Variants in HS3ST4 observed in about 807,000 individuals in gnomAD.
The protein encoded by HS3ST4 is heparan sulfate-glucosamine 3-sulfotransferase 4.
A neutral mutation model predicts 29.2 loss-of-function variants in HS3ST4; 17 were observed. The observed-to-expected ratio is 0.58, with a 90% CI of 0.40 to 0.87. The LOEUF is 0.87. Ranked by LOEUF, HS3ST4 falls within the 40% of genes least tolerant of loss-of-function variation. HS3ST4 has a pLI of 0.00. For missense variants in HS3ST4, 627 were observed against 634.5 expected, an observed-to-expected ratio of 0.99 and a Z score of 0.13; for synonymous variants, 314 against 285.7, an observed-to-expected ratio of 1.10 and a Z score of -1.00.
At chr16:25,829,226 G>C (rs1335820012) in intron 1 of HS3ST4, among the ~76,000 whole-genome samples, 1 of 152,178 alleles carries the variant, frequency 6.6e-6, no homozygotes, top group Non-Finnish European at 1.5e-5. Flanking sequence ...CCTAGAATAA[G>C]AATTTACTGT....
intron 1 of HS3ST4, among the ~76,000 whole-genome samples, chr16:25,821,259 G>A (rs1967152769): frequency 6.6e-6 from 1 of 151,854 alleles, no homozygotes; most frequent in Admixed American, 6.6e-5. Context: ...GGGTTTCACT[G>A]TGTTAGTCAG....
chr16:26,046,489 T>C (rs1898269235), intron 1 of HS3ST4, among the ~76,000 whole-genome samples: 2 of 152,160 alleles, frequency 1.3e-5, no homozygotes, highest in South Asian at 4.1e-4. Context: ...TTTGTCCATG[T>C]TAGTGTCTGT....
intron 1 of HS3ST4, among the ~76,000 whole-genome samples, chr16:25,910,466 C>G (rs1250179707): frequency 1.8e-4 from 27 of 151,876 alleles, no homozygotes; most frequent in Admixed American, 1.8e-3. Flanking sequence ...TATGGTGAAA[C>G]CCTGTCTCTA....
intron 1 of HS3ST4, among the ~76,000 whole-genome samples, chr16:26,083,947 A>C (rs1898754724): frequency 6.6e-6 from 1 of 152,194 alleles, no homozygotes; most frequent in Non-Finnish European, 1.5e-5. Context: ...ATTGCAGAGA[A>C]AATTATAGAA....
intron 1 of HS3ST4, among the ~76,000 whole-genome samples, chr16:26,108,880 G>T (rs1395090061): frequency 1.3e-5 from 2 of 152,154 alleles, no homozygotes; most frequent in Non-Finnish European, 2.9e-5. Flanking sequence ...GCAAATGAAT[G>T]AATAAACGTA....
chr16:26,066,760 C>T (rs899562554), intron 1 of HS3ST4, among the ~76,000 whole-genome samples: 7 of 152,324 alleles, frequency 4.6e-5, no homozygotes, highest in African/African-American at 7.2e-5. Context: ...GAATTCCACA[C>T]GATTTCTTGC....
chr16:25,997,452 A>G (rs567859469), intron 1 of HS3ST4, among the ~76,000 whole-genome samples: 10 of 152,322 alleles, frequency 6.6e-5, no homozygotes, highest in African/African-American at 2.4e-4. Context: ...AAGAGCATTT[A>G]TAGATTCACG....
At chr16:25,849,245 A>G (rs753596396) in intron 1 of HS3ST4, among the ~76,000 whole-genome samples, 40 of 152,302 alleles carry the variant, frequency 2.6e-4, no homozygotes, top group Non-Finnish European at 5.4e-4. Flanking sequence ...TAAAGGATGT[A>G]TATTTTCTGG....
rs545448860 is a variant in HS3ST4 at position 25,880,946 on chromosome 16, G to A, written c.734+187795G>A. ...CAGGTGGTCTCCTCTAGTTCTGCCT[G>A]ATATTCTATGAGATGAGAAAAGTTA... On this transcript the variant is annotated intron_variant, in intron 1 of 1. Coordinates refer to ENST00000331351, the MANE Select transcript of HS3ST4 (RefSeq NM_006040.3). Among the ~76,000 whole-genome samples, 4 of 152,278 alleles carry A rather than the reference G, an allele frequency of 2.6e-5. No homozygotes were observed. The East Asian group carries it at 7.7e-4, about 29-fold the overall frequency.
At chr16:25,910,341 A>T (rs1387959932) in intron 1 of HS3ST4, among the ~76,000 whole-genome samples, 2 of 152,180 alleles carry the variant, frequency 1.3e-5, no homozygotes, top group Admixed American at 1.3e-4. Context: ...TGGAGTTTAT[A>T]TAATAAACAT....
chr16:25,867,916 C>T (rs551542001), intron 1 of HS3ST4, among the ~76,000 whole-genome samples: 1 of 152,000 alleles, frequency 6.6e-6, no homozygotes, highest in African/African-American at 2.4e-5. Flanking sequence ...ATAAAGAGAT[C>T]GATAGATACT....
intron 1 of HS3ST4, among the ~76,000 whole-genome samples, chr16:25,884,782 T>A (rs1353009627): frequency 1.3e-5 from 2 of 152,188 alleles, no homozygotes; most frequent in South Asian, 2.1e-4. Flanking sequence ...GTCAGGCTGG[T>A]CTCGAACTTC....
chr16:26,069,266 T>C (rs1178349226), intron 1 of HS3ST4, among the ~76,000 whole-genome samples: 1 of 152,324 alleles, frequency 6.6e-6, no homozygotes, highest in Admixed American at 6.5e-5. Context: ...TTCCTTAAAA[T>C]GGGATGTTGC....
intron 1 of HS3ST4, among the ~76,000 whole-genome samples, chr16:25,785,892 C>T (rs1412770053): frequency 6.6e-6 from 1 of 152,024 alleles, no homozygotes; most frequent in Non-Finnish European, 1.5e-5. Flanking sequence ...CTGGACATGG[C>T]CCAGACTGGA....
At chr16:25,948,500 A>G (rs748261030) in intron 1 of HS3ST4, among the ~76,000 whole-genome samples, 2 of 152,082 alleles carry the variant, frequency 1.3e-5, no homozygotes, top group South Asian at 2.1e-4. Flanking sequence ...CCAGTCATAC[A>G]TGGTCCCAGC....
intron 1 of HS3ST4, among the ~76,000 whole-genome samples, chr16:26,116,913 C>G (rs1484739932): frequency 6.6e-6 from 1 of 152,102 alleles, no homozygotes; most frequent in East Asian, 1.9e-4. Flanking sequence ...GATGCTCAAC[C>G]AGTATAATGC....
At chr16:25,714,442 A>G (rs1158577319) in intron 1 of HS3ST4, among the ~76,000 whole-genome samples, 3 of 152,126 alleles carry the variant, frequency 2.0e-5, no homozygotes, top group Non-Finnish European at 4.4e-5. Context: ...CACCATGCTG[A>G]CTCACCGCCT....
intron 1 of HS3ST4, among the ~76,000 whole-genome samples, chr16:25,978,192 G>A (rs1343705182): frequency 6.6e-6 from 1 of 152,206 alleles, no homozygotes; most frequent in East Asian, 1.9e-4. Flanking sequence ...AAAGATGGGA[G>A]TGTGGGTTGC....
intron 1 of HS3ST4, among the ~76,000 whole-genome samples, chr16:25,966,540 G>C (rs1319100622): frequency 6.6e-6 from 1 of 152,132 alleles, no homozygotes; most frequent in African/African-American, 2.4e-5. Context: ...CTTCTTCATA[G>C]GTACCATGAG....
Sources: gnomAD v4.1 joint callset for allele counts (sites outside exome capture counted in the v4.1 genomes callset) on GRCh38, gnomAD v4.1.1 for gene constraint, MANE v1.5 for transcripts, NCBI Gene and HGNC (gene_info 2026-07-23, HGNC 2026-07-21) for gene names.